The following STARD9 variants were observed in gnomAD, a reference collection of about 807,000 sequenced individuals.
STARD9 encodes stAR-related lipid transfer protein 9.
STARD9 carries 346 observed loss-of-function variants against 399.8 expected under a neutral mutation model. The ratio of observed to expected loss-of-function variants is 0.87; its 90% CI spans 0.79 to 0.95. The LOEUF is 0.95. Ranked by LOEUF, STARD9 falls within the 40% of genes least tolerant of loss-of-function variation. The probability of loss-of-function intolerance (pLI) is 0.00; values close to 1 mark genes in which losing one functional copy is unlikely to be tolerated. For synonymous variants in STARD9, 2,203 were observed against 2,143.5 expected (o/e 1.03, Z -0.77); for missense variants, 5,832 against 5,667.5 (o/e 1.03, Z -0.93).
chr15:42,622,350 CCTCTCTCT>C (rs141452327), intron 3 of STARD9, among the ~76,000 whole-genome samples: 1 of 148,988 alleles, frequency 6.7e-6, no homozygotes, highest in Non-Finnish European at 1.5e-5. Flanking sequence ...TCTCTCTCTC[CCTCTCTCT>C]CTCTCTCTCT....
In STARD9 at chr15:42,687,677, T is replaced by C; in HGVS notation, c.6099T>C (p.Ser2033=). Residue 2033 remains serine, a synonymous_variant, in exon 23 of 33, where the codon TCT becomes TCC. Coordinates refer to ENST00000290607, the MANE Select transcript of STARD9 (RefSeq NM_020759.3). The part of the protein sequence containing the change: ...QEMLNPNREP[S]GKKQNKRVNN... ...TGTTAAATCCCAACAGAGAACCTTC[T>C]GGAAAGAAACAGAATAAAAGAGTTA... is the stretch of plus-strand genomic sequence containing the variant. 1 of 1,537,096 alleles carries C rather than the reference T, an allele frequency of 6.5e-7. No individual in the cohort carries two copies. Among genetic ancestry groups the C allele is most frequent in the Non-Finnish European group, 8.7e-7 (1 of 1,146,854 alleles).
chr15:42,648,190 T>C (rs2059683888), intron 7 of STARD9, among the ~76,000 whole-genome samples: 1 of 152,152 alleles, frequency 6.6e-6, no homozygotes, highest in African/African-American at 2.4e-5. Flanking sequence ...TGAGATGGAG[T>C]CTTGCTCTGT....
rs369876432 is a variant in STARD9, at chr15:42,685,078, G to A, written c.3500G>A (p.Arg1167His). 3.1e-5 allele frequency: 48 copies of A among 1,537,058 alleles called. No individual in the cohort carries two copies. Among genetic ancestry groups the A allele is most frequent in the African/African-American group, 2.2e-4 (16 of 73,014 alleles). The stretch of plus-strand genomic sequence containing the variant: ...CCCAAAAACAGGCTAGGGGGCAATC[G>A]TCCCACCAACAACCGTGGCCAACCC... The part of the protein sequence containing the change: ...QSPKNRLGGN[R>H]PTNNRGQPRT... The change falls in exon 23 of 33, where the codon CGT (arginine) becomes CAT (histidine). Residue 1167 changes from arginine (R) to histidine (H), a missense_variant. By Grantham distance (29) the Arg-to-His change is conservative. Coordinates refer to ENST00000290607, the MANE Select transcript of STARD9 (RefSeq NM_020759.3).
chr15:42,581,438 G>T, intron 1 of STARD9: 6 of 1,528,846 alleles, frequency 3.9e-6, no homozygotes, highest in Non-Finnish European at 5.4e-6. Flanking sequence ...TGTGGGTGGG[G>T]AAGGCGCGGC....
intron 3 of STARD9, among the ~76,000 whole-genome samples, chr15:42,599,244 C>G (rs2058575908): frequency 1.3e-5 from 2 of 152,186 alleles, no homozygotes; most frequent in Non-Finnish European, 2.9e-5. Context: ...TCTTTTAAAA[C>G]TCTGTTTTGT....
intron 3 of STARD9, among the ~76,000 whole-genome samples, chr15:42,618,666 G>A (rs1422884070): frequency 2.0e-5 from 3 of 149,156 alleles, no homozygotes; most frequent in South Asian, 2.1e-4. Flanking sequence ...GTGTGATCTC[G>A]GCTCACCGCA....
At position 42,606,602 on chromosome 15, in the gene STARD9, C is replaced by T. The variant is rs138246348; in HGVS notation, c.234+20965C>T. On this transcript the variant is annotated intron_variant, in intron 3 of 32. Coordinates refer to ENST00000290607, the MANE Select transcript of STARD9 (RefSeq NM_020759.3). ...TCCCAAGTACCTGGGAACACAGGTGCGCACCACCACACCCAGCTAATTTTT... is the reference window on the plus strand; with the variant it reads ...TCCCAAGTACCTGGGAACACAGGTGTGCACCACCACACCCAGCTAATTTTT... Among the ~76,000 whole-genome samples the T allele has an allele frequency of 7.7e-3, 1,170 of 150,992 alleles. 12 individuals are homozygous for T. Among genetic ancestry groups the T allele is most frequent in the African/African-American group, 0.027 (1,121 of 41,122 alleles).
intron 3 of STARD9, among the ~76,000 whole-genome samples, chr15:42,624,664 C>G (rs981159063): frequency 1.3e-5 from 2 of 151,306 alleles, no homozygotes. Context: ...TTCTTCTGCC[C>G]AAGCCTCCCA....
At chr15:42,673,246 A>G (rs2060238681) in intron 16 of STARD9, 1 of 152,102 alleles carries the variant, frequency 6.6e-6, no homozygotes, top group Non-Finnish European at 1.5e-5. Flanking sequence ...TACTAAAAAT[A>G]TAAAAATTAG....
chr15:42,685,525 AACAAGCCG>A lies in STARD9; in HGVS notation c.3950_3957del (p.Gln1317LeufsTer23), dbSNP rs2060532319. The stretch of plus-strand genomic sequence containing the variant: ...TCACAGGTAGAGCCAAGCTACTCTG[AACAAGCCG>A]ACTCTCTCCAAGGCATGCAGCTTTC... On this transcript the variant is annotated frameshift_variant, in exon 23 of 33. Transcript: ENST00000290607. LOFTEE classifies it high-confidence loss of function. The A allele has an allele frequency of 6.5e-7, 1 of 1,537,556 alleles. No homozygotes were observed. Among genetic ancestry groups the A allele is most frequent in the East Asian group, 2.4e-5 (1 of 40,908 alleles).
chr15:42,576,614 T>C (rs951622541), intron 1 of STARD9, among the ~76,000 whole-genome samples: 2 of 152,054 alleles, frequency 1.3e-5, no homozygotes, highest in Non-Finnish European at 2.9e-5. Flanking sequence ...TGGTGGAAGG[T>C]AAATCTGGCA....
intron 7 of STARD9, among the ~76,000 whole-genome samples, chr15:42,642,151 A>T (rs943792676): frequency 6.6e-6 from 1 of 152,228 alleles, no homozygotes; most frequent in African/African-American, 2.4e-5. Context: ...GGTTTCTGGC[A>T]TGAAACCAAT....
Position 42,687,582 on chromosome 15 carries a change from G to A in STARD9, c.6004G>A (p.Ala2002Thr). Residue 2002 changes from alanine (A) to threonine (T), a missense_variant, in exon 23 of 33, where the codon GCA (alanine) becomes ACA (threonine). Around this residue, in one of 2 missense-constraint regions of STARD9, gnomAD observed 5,828 missense variants for 5,651.1 expected, o/e 1.03. Transcript: ENST00000290607. ...GTTTAAGCTTCCAGGTACAAAGCCT[G>A]CATATGAAAGGTTCCAGTTAGTTGC... ...EEFKLPGTKP[A>T]YERFQLVACP... is the part of the protein sequence containing the mutation. 2.0e-6 allele frequency: 3 copies of A among 1,537,054 alleles called. No individual in the cohort carries two copies. Among genetic ancestry groups the A allele is most frequent in the Non-Finnish European group, 2.6e-6 (3 of 1,146,908 alleles).
At chr15:42,656,499 G>C (rs1040993133) in intron 9 of STARD9, among the ~76,000 whole-genome samples, 1 of 152,086 alleles carries the variant, frequency 6.6e-6, no homozygotes. Flanking sequence ...CAGAGGAAAA[G>C]AAGTCGTTAT....
rs1566938389 is a variant in STARD9, at chr15:42,687,151, TCCCCTCTA to T, written c.5576_5583del (p.Pro1859GlnfsTer6). 1 of 1,537,246 alleles carries T rather than the reference TCCCCTCTA, an allele frequency of 6.5e-7. No homozygotes were observed. Among genetic ancestry groups the T allele is most frequent in the Non-Finnish European group, 8.7e-7 (1 of 1,146,894 alleles). On this transcript the variant is annotated frameshift_variant, in exon 23 of 33. Transcript: ENST00000290607. LOFTEE classifies it high-confidence loss of function. Reference sequence around the variant, plus strand: ...TCTGTTACTCAGAACAGACATTTTCTCCCCTCTACCAGCACAAAAGTATGTGAATTTGA... The same window carrying T: ...TCTGTTACTCAGAACAGACATTTTCTCCAGCACAAAAGTATGTGAATTTGA...
chr15:42,642,831 C>T (rs947928900), intron 7 of STARD9, among the ~76,000 whole-genome samples: 1 of 152,146 alleles, frequency 6.6e-6, no homozygotes, highest in African/African-American at 2.4e-5. Context: ...CAGAGTCTCA[C>T]ACTGTCATCC....
rs1369083425 is a variant in STARD9 at position 42,681,538 on chromosome 15, T to A, written c.1991T>A (p.Ile664Asn). 1 of 1,537,150 alleles carries A rather than the reference T, an allele frequency of 6.5e-7. No individual in the cohort carries two copies. The highest frequency in any genetic ancestry group is 2.0e-5 in the Admixed American group (1 of 50,990). ...TACGTAGAGGATTTGAGGCATCAAATCCTAGCAGAAGAGATTCGAGCTGCG... is the reference window on the plus strand; with the variant it reads ...TACGTAGAGGATTTGAGGCATCAAAACCTAGCAGAAGAGATTCGAGCTGCG... ...QSYVEDLRHQ[I>N]LAEEIRAAKE... Residue 664 changes from isoleucine to asparagine, a missense_variant, in exon 21 of 33, where the codon ATC becomes AAC. Ile to Asn is a moderately radical substitution (Grantham distance 149). Around this residue, in one of 2 missense-constraint regions of STARD9, gnomAD observed 5,828 missense variants for 5,651.1 expected, o/e 1.03. Coordinates refer to ENST00000290607, the MANE Select transcript of STARD9 (RefSeq NM_020759.3).
intron 2 of STARD9, among the ~76,000 whole-genome samples, chr15:42,585,236 C>T (rs1012918836): frequency 3.3e-5 from 5 of 152,148 alleles, no homozygotes; most frequent in Non-Finnish European, 7.4e-5. Flanking sequence ...TAAGAAGATG[C>T]CCAGAGCGGG....
intron 3 of STARD9, among the ~76,000 whole-genome samples, chr15:42,600,914 G>T: frequency 6.7e-6 from 1 of 149,932 alleles, no homozygotes; most frequent in Non-Finnish European, 1.5e-5. Flanking sequence ...GTTTCTCGGA[G>T]AGGGGGATTT....
Sources: gnomAD v4.1 joint callset for allele counts (sites outside exome capture counted in the v4.1 genomes callset) on GRCh38, gnomAD v4.1.1 for gene constraint, gnomAD v4.1.1 regional missense constraint, MANE v1.5 for transcripts, NCBI Gene and HGNC (gene_info 2026-07-23, HGNC 2026-07-21) for gene names.